ABTB2: variants seen among roughly 807,000 people sequenced by gnomAD.
ABTB2 encodes the protein ankyrin repeat and BTB domain containing 2, also known as ankyrin repeat and BTB/POZ domain-containing protein 2.
Under a neutral mutation model 104.1 loss-of-function variants are expected in ABTB2, and 56 were observed. That is an observed-to-expected ratio of 0.54 (90% CI 0.43 to 0.67). ABTB2 has a LOEUF of 0.67. ABTB2 is among the 30% of genes least tolerant of loss of function. The pLI is 0.00. For missense variants in ABTB2, 1,279 were observed against 1,407.7 expected (o/e 0.91, Z 1.46); for synonymous variants, 606 against 608.2 (o/e 1.00, Z 0.05).
At chr11:34,319,137 C>T (rs924799948) in intron 1 of ABTB2, among the ~76,000 whole-genome samples, 2 of 152,216 alleles carry the variant, frequency 1.3e-5, no homozygotes, top group Admixed American at 1.3e-4. Context: ...CCACCTCAGA[C>T]TCTACAACAG....
intron 1 of ABTB2, among the ~76,000 whole-genome samples, chr11:34,222,529 C>T (rs1249816401): frequency 6.6e-6 from 1 of 152,176 alleles, no homozygotes; most frequent in African/African-American, 2.4e-5. Context: ...ACCTGGAGCC[C>T]TGTAGAAAGA....
intron 6 of ABTB2, among the ~76,000 whole-genome samples, chr11:34,167,607 G>T (rs1852819018): frequency 6.6e-6 from 1 of 152,202 alleles, no homozygotes; most frequent in Non-Finnish European, 1.5e-5. Context: ...AAGTATTTGG[G>T]GATGGAAGGA....
At chr11:34,203,945 G>T (rs1317503513) in intron 2 of ABTB2, among the ~76,000 whole-genome samples, 2 of 152,126 alleles carry the variant, frequency 1.3e-5, no homozygotes, top group Admixed American at 6.5e-5. Flanking sequence ...AATGAGAGGG[G>T]GAGCTCAGGA....
At chr11:34,182,212 G>A (rs747488036) in intron 3 of ABTB2, among the ~76,000 whole-genome samples, 12 of 152,174 alleles carry the variant, frequency 7.9e-5, no homozygotes, top group African/African-American at 9.7e-5. Flanking sequence ...AAACATCCAC[G>A]TAGGATAAAA....
At chr11:34,248,804 A>C (rs1854017534) in intron 1 of ABTB2, among the ~76,000 whole-genome samples, 1 of 152,248 alleles carries the variant, frequency 6.6e-6, no homozygotes, top group Non-Finnish European at 1.5e-5. Context: ...TCTGATGTCT[A>C]GTAAATACAG....
intron 1 of ABTB2, among the ~76,000 whole-genome samples, chr11:34,317,117 C>A (rs904942384): frequency 3.3e-5 from 5 of 152,168 alleles, no homozygotes; most frequent in South Asian, 2.1e-4. Context: ...ATGCAAGAAC[C>A]CTTGGTACTT....
intron 1 of ABTB2, among the ~76,000 whole-genome samples, chr11:34,307,701 GT>G (rs5790983): frequency 0.39 from 54,872 of 140,288 alleles, 13,162 homozygotes; most frequent in African/African-American, 0.71. Context: ...GTGACTCTCT[GT>G]TTTTTTTTTT....
At chr11:34,283,752 A>T (rs1854473946) in intron 1 of ABTB2, among the ~76,000 whole-genome samples, 1 of 152,158 alleles carries the variant, frequency 6.6e-6, no homozygotes, top group African/African-American at 2.4e-5. Context: ...TTCAACTGCA[A>T]AATATTTCCC....
intron 1 of ABTB2, among the ~76,000 whole-genome samples, chr11:34,316,704 T>C (rs908473455): frequency 9.2e-5 from 14 of 152,138 alleles, no homozygotes; most frequent in African/African-American, 3.4e-4. Flanking sequence ...AAAAATACAG[T>C]GTGTACTTGA....
chr11:34,351,820 G>A (rs1855402424), intron 1 of ABTB2, among the ~76,000 whole-genome samples: 1 of 152,124 alleles, frequency 6.6e-6, no homozygotes, highest in African/African-American at 2.4e-5. Context: ...TCACAAAGGG[G>A]TGGCTCTTCC....
Position 34,177,915 on chromosome 11 carries a change from GTGT to G in ABTB2, c.1245-4611_1245-4609del, listed in dbSNP as rs551266947. ...TTACTCCTGAACTGCAGCTCCAGAGGTGTTGTTCAAACTCACAGTTCCAGGCGC... is the reference window on the plus strand; with the variant it reads ...TTACTCCTGAACTGCAGCTCCAGAGGTGTTCAAACTCACAGTTCCAGGCGC... On this transcript the variant is annotated intron_variant, in intron 3 of 16. Coordinates refer to ENST00000435224, the MANE Select transcript of ABTB2 (RefSeq NM_145804.3). 1.2e-4 allele frequency among the ~76,000 whole-genome samples: 18 copies of G among 152,224 alleles called. No individual in the cohort carries two copies. The South Asian group carries it at 3.7e-3, about 32-fold the overall frequency.
chr11:34,152,779 C>T (rs527753386), intron 16 of ABTB2, among the ~76,000 whole-genome samples, 195 bp from the exon 17 acceptor site: 3 of 152,330 alleles, frequency 2.0e-5, no homozygotes, highest in East Asian at 1.9e-4. Context: ...ATTTTCCTGC[C>T]TGTGTCATAC....
At chr11:34,187,579 TCTTGAA>T (rs1027052392) in intron 3 of ABTB2, among the ~76,000 whole-genome samples, 4 of 151,196 alleles carry the variant, frequency 2.6e-5, no homozygotes, top group Admixed American at 2.6e-4. Context: ...CTCACAGCAG[TCTTGAA>T]CTCTTGGGCT....
Position 34,214,139 on chromosome 11 carries a change from A to AACACACACACACACACACACAC in ABTB2, c.884-9471_884-9450dup, listed in dbSNP as rs10529537. ...TTTTCTATTAAGGCAGCACATTCAA[A>AACACACACACACACACACACAC]ACACACACACACACACACACACACA... On this transcript the variant is annotated intron_variant, in intron 1 of 16. Transcript: ENST00000435224. 8.8e-3 allele frequency among the ~76,000 whole-genome samples: 1,219 copies of AACACACACACACACACACACAC among 139,176 alleles called. 22 individuals are homozygous for AACACACACACACACACACACAC. The highest frequency in any genetic ancestry group is 0.031 in the African/African-American group (1,110 of 35,402). The allele number at this position is 139,176 out of a possible 152,430, so 91.3% of individuals were successfully genotyped here.
At chr11:34,272,542 CT>C (rs1854328881) in intron 1 of ABTB2, among the ~76,000 whole-genome samples, 1 of 151,594 alleles carries the variant, frequency 6.6e-6, no homozygotes, top group Admixed American at 6.6e-5. Flanking sequence ...CCCGTCTCTA[CT>C]AAAAATACAA....
At chr11:34,289,833 A>G (rs1266366358) in intron 1 of ABTB2, among the ~76,000 whole-genome samples, 2 of 152,072 alleles carry the variant, frequency 1.3e-5, no homozygotes, top group Admixed American at 1.3e-4. Context: ...ATAAAAACAC[A>G]CCCTCTAGGC....
Position 34,273,050 on chromosome 11 carries a change from G to A in ABTB2, c.884-68360C>T, listed in dbSNP as rs78370507. ...TTAATATATATAAAGTACTTAAACC[G>A]TCCTGACATTTAGCAAACATTCCAT... is the stretch of plus-strand genomic sequence containing the variant. On this transcript the variant is annotated intron_variant, in intron 1 of 16. Coordinates refer to ENST00000435224, the MANE Select transcript of ABTB2 (RefSeq NM_145804.3). Among the ~76,000 whole-genome samples the A allele has an allele frequency of 8.2e-4, 124 of 152,124 alleles. 2 individuals are homozygous for A. Among genetic ancestry groups the A allele is most frequent in the African/African-American group, 2.9e-3 (119 of 41,488 alleles).
rs193062920 is a variant in ABTB2, at chr11:34,274,145, C to T, written c.884-69455G>A. On this transcript the variant is annotated intron_variant, in intron 1 of 16. Transcript: ENST00000435224. ...CCGCAGTCCGGCCTGGGCGACAGAG[C>T]GAGACTCCGTCTCAAAAAAAAAAAA... Among the ~76,000 whole-genome samples, 19 of 106,108 alleles carry T rather than the reference C, an allele frequency of 1.8e-4. No individual in the cohort carries two copies. In the East Asian group the frequency reaches 4.3e-3, roughly 24 times the overall value. The allele number at this position is 106,108 out of a possible 152,430, so 69.6% of individuals were successfully genotyped here.
At chr11:34,244,652 G>A (rs1847842269) in intron 1 of ABTB2, among the ~76,000 whole-genome samples, 1 of 152,154 alleles carries the variant, frequency 6.6e-6, no homozygotes. Context: ...AACCCCCAAT[G>A]TACTCGCTGT....
Sources: gnomAD v4.1 joint callset for allele counts (sites outside exome capture counted in the v4.1 genomes callset) on GRCh38, gnomAD v4.1.1 for gene constraint, MANE v1.5 for transcripts, NCBI Gene and HGNC (gene_info 2026-07-23, HGNC 2026-07-21) for gene names.